ADORA2B: variants seen among roughly 807,000 people sequenced by gnomAD.
ADORA2B encodes the protein adenosine A2b receptor.
A neutral mutation model predicts 20.8 loss-of-function variants in ADORA2B; 18 were observed. That is an observed-to-expected ratio of 0.87 (90% CI 0.60 to 1.29). The LOEUF (loss-of-function observed/expected upper bound fraction) is 1.29. Among genes scored for constraint, ADORA2B ranks in the 50% most tolerant of loss-of-function variants. The probability of loss-of-function intolerance (pLI) is 0.00; values close to 1 mark genes in which losing one functional copy is unlikely to be tolerated. For missense variants in ADORA2B, 441 were observed against 422.7 expected (o/e 1.04, Z -0.38); for synonymous variants, 179 against 178.3 (o/e 1.00, Z -0.03).
chr17:15,923,690 G>A, the ADORA2B span, among the ~76,000 whole-genome samples: 6 of 152,038 alleles, frequency 3.9e-5, no homozygotes, highest in African/African-American at 1.4e-4. Flanking sequence ...ACAAGCGTGA[G>A]CCACCGCGCC....
chr17:15,866,286 A>G, the ADORA2B span, among the ~76,000 whole-genome samples: 3 of 150,456 alleles, frequency 2.0e-5, no homozygotes, highest in Non-Finnish European at 3.0e-5. Flanking sequence ...TGAGAGGTCA[A>G]TTTCTGTGCA....
In ADORA2B at chr17:15,975,057, G is replaced by C; in HGVS notation, c.714G>C (p.Met238Ile). 6.2e-7 allele frequency: 1 copy of C among 1,614,184 alleles called. No homozygotes were observed. Among genetic ancestry groups the C allele is most frequent in the Non-Finnish European group, 8.5e-7 (1 of 1,180,022 alleles). The change falls in exon 2 of 2, where the codon ATG becomes ATC. Residue 238 changes from methionine (M) to isoleucine (I), a missense_variant. Met to Ile is a conservative substitution (Grantham distance 10). Coordinates refer to ENST00000304222, the MANE Select transcript of ADORA2B (RefSeq NM_000676.4). ...TCCATGCAGCCAAGTCACTGGCCATGATTGTGGGGATTTTTGCCCTGTGCT... is the reference window on the plus strand; with the variant it reads ...TCCATGCAGCCAAGTCACTGGCCATCATTGTGGGGATTTTTGCCCTGTGCT... ...REIHAAKSLA[M>I]IVGIFALCWL...
the ADORA2B span, among the ~76,000 whole-genome samples, chr17:15,895,619 A>G: frequency 3.2e-4 from 48 of 152,282 alleles, no homozygotes; most frequent in African/African-American, 9.9e-4. Flanking sequence ...CACCAACCAC[A>G]TGGGGTCTTG....
the ADORA2B span, among the ~76,000 whole-genome samples, chr17:15,890,898 C>T: frequency 2.6e-5 from 4 of 152,240 alleles, no homozygotes; most frequent in Non-Finnish European, 5.9e-5. Context: ...TGCCCAAGGG[C>T]TGTGCTCTCC....
chr17:15,967,978 C>T (rs1462406112), intron 1 of ADORA2B, among the ~76,000 whole-genome samples: 4 of 152,176 alleles, frequency 2.6e-5, no homozygotes, highest in African/African-American at 4.8e-5. Flanking sequence ...CCTCTCTGTG[C>T]GGCTCCTTCT....
intron 1 of ADORA2B, among the ~76,000 whole-genome samples, chr17:15,968,914 C>G (rs1331694216): frequency 6.6e-6 from 1 of 152,144 alleles, no homozygotes; most frequent in East Asian, 1.9e-4. Context: ...GCATCTGTCA[C>G]CAAAACTTGG....
In ADORA2B at chr17:15,974,742, C is replaced by T. The variant is rs1318358209; in HGVS notation, c.399C>T (p.Ala133=). 5.6e-6 allele frequency: 9 copies of T among 1,614,024 alleles called. No individual in the cohort carries two copies. The highest frequency in any genetic ancestry group is 7.6e-6 in the Non-Finnish European group (9 of 1,180,034). Residue 133 remains alanine (A), a synonymous_variant, in exon 2 of 2, where the codon GCC becomes GCT. Coordinates refer to ENST00000304222, the MANE Select transcript of ADORA2B (RefSeq NM_000676.4). ...TCATTGCTGTCCTCTGGGTCCTTGCCTTTGGCATCGGATTGACTCCATTCC... is the reference window on the plus strand; with the variant it reads ...TCATTGCTGTCCTCTGGGTCCTTGCTTTTGGCATCGGATTGACTCCATTCC... ...RGVIAVLWVL[A]FGIGLTPFLG...
the ADORA2B span, among the ~76,000 whole-genome samples, chr17:15,893,669 T>G: frequency 7.9e-5 from 12 of 152,356 alleles, no homozygotes; most frequent in Admixed American, 7.2e-4. Flanking sequence ...CATTCCCTGC[T>G]GGAGCACTGT....
the ADORA2B span, among the ~76,000 whole-genome samples, chr17:15,855,963 A>G: frequency 6.6e-6 from 1 of 151,088 alleles, no homozygotes; most frequent in African/African-American, 2.4e-5. Context: ...CCTCCCCACA[A>G]CCTCTGGCAG....
the ADORA2B span, among the ~76,000 whole-genome samples, chr17:15,867,566 A>G: frequency 6.7e-6 from 1 of 149,036 alleles, no homozygotes; most frequent in Non-Finnish European, 1.5e-5. Context: ...CCCGTCCGGG[A>G]GGGAGGCGGG....
At chr17:15,967,723 G>C (rs908238332) in intron 1 of ADORA2B, among the ~76,000 whole-genome samples, 7 of 152,222 alleles carry the variant, frequency 4.6e-5, no homozygotes, top group Admixed American at 2.6e-4. Flanking sequence ...GGTGAGGTGT[G>C]AGAAAGAGCG....
the ADORA2B span, among the ~76,000 whole-genome samples, chr17:15,882,074 G>A: frequency 2.2e-4 from 33 of 152,168 alleles, no homozygotes; most frequent in South Asian, 8.3e-4. Context: ...TAGGTCCTTC[G>A]TGTCCTTAAG....
At chr17:15,884,521 T>C in the ADORA2B span, among the ~76,000 whole-genome samples, 1 of 152,112 alleles carries the variant, frequency 6.6e-6, no homozygotes, top group African/African-American at 2.4e-5. Context: ...TTAATTCTTA[T>C]TAAGAATAAG....
At chr17:15,944,374 G>A (rs1319073241), upstream of ADORA2B, among the ~76,000 whole-genome samples, 1 of 152,088 alleles carries the variant, frequency 6.6e-6, no homozygotes, top group Non-Finnish European at 1.5e-5. This position sits in a 1 kb window ranked among gnomAD's most constrained non-coding sequence, Gnocchi z 4.8. Flanking sequence ...GGGAGGCCTC[G>A]GGAGCCTGTG....
At chr17:15,894,976 G>C in the ADORA2B span, among the ~76,000 whole-genome samples, 2 of 152,116 alleles carry the variant, frequency 1.3e-5, no homozygotes, top group Non-Finnish European at 2.9e-5. Context: ...GAGTATAGAA[G>C]CTAGCGACTC....
upstream of ADORA2B, among the ~76,000 whole-genome samples, chr17:15,944,742 T>G (rs1283321979): frequency 4.0e-5 from 6 of 151,878 alleles, no homozygotes; most frequent in Non-Finnish European, 8.8e-5. This position sits in a 1 kb window ranked among gnomAD's most constrained non-coding sequence, Gnocchi z 4.8. Flanking sequence ...AGGGTTAGCC[T>G]GGAGTGAGCT....
the ADORA2B span, among the ~76,000 whole-genome samples, chr17:15,875,244 C>T: frequency 6.6e-6 from 1 of 152,036 alleles, no homozygotes; most frequent in Non-Finnish European, 1.5e-5. Flanking sequence ...TCCCGCTCCC[C>T]ATAGTCAAGC....
chr17:15,955,150 AT>A lies in ADORA2B; in HGVS notation c.335+9575del, dbSNP rs1969951127. ...AACTGTGTGGGTTCACTTAAAATGG[AT>A]TTTTTTTCAACCAAACACAGATTGA... On this transcript the variant is annotated intron_variant, in intron 1 of 1. Coordinates refer to ENST00000304222, the MANE Select transcript of ADORA2B (RefSeq NM_000676.4). 2.0e-5 allele frequency among the ~76,000 whole-genome samples: 3 copies of A among 151,830 alleles called. No individual in the cohort carries two copies. The South Asian group carries it at 6.3e-4, about 32-fold the overall frequency.
At chr17:15,930,082 G>C in the ADORA2B span, among the ~76,000 whole-genome samples, 1 of 152,206 alleles carries the variant, frequency 6.6e-6, no homozygotes, top group African/African-American at 2.4e-5. Context: ...GACGGCTGCA[G>C]CATTGGACCA....
Sources: gnomAD v4.1 joint callset for allele counts (sites outside exome capture counted in the v4.1 genomes callset) on GRCh38, gnomAD v4.1.1 for gene constraint, Gnocchi (gnomAD v3.1) non-coding constraint, MANE v1.5 for transcripts, NCBI Gene and HGNC (gene_info 2026-07-23, HGNC 2026-07-21) for gene names.